Variants in INPP4A observed in about 807,000 individuals in gnomAD.
The protein encoded by INPP4A is inositol polyphosphate-4-phosphatase type I A.
Under a neutral mutation model 119.8 loss-of-function variants are expected in INPP4A, and 33 were observed. That is an observed-to-expected ratio of 0.28 (90% confidence interval 0.21 to 0.37). INPP4A has a LOEUF of 0.37. Among genes scored for constraint, INPP4A ranks in the 10% least tolerant of loss-of-function variants. The probability of loss-of-function intolerance (pLI) is 1.00; values close to 1 mark genes in which losing one functional copy is unlikely to be tolerated. For missense variants in INPP4A, 956 were observed against 1,289.9 expected (o/e 0.74, Z 3.97); for synonymous variants, 496 against 500.7 (o/e 0.99, Z 0.12).
chr2:98,497,326 C>A (rs1023436479), intron 1 of INPP4A, among the ~76,000 whole-genome samples: 1 of 152,220 alleles, frequency 6.6e-6, no homozygotes, highest in African/African-American at 2.4e-5. Context: ...TCTGCTAGGG[C>A]AGTGCAGAAG....
rs369789464 is a variant in INPP4A, at chr2:98,474,636, TG to T, written c.-166+29554del. Among the ~76,000 whole-genome samples the T allele has an allele frequency of 4.1e-4, 62 of 152,270 alleles. 2 individuals carry two copies. In the East Asian group the frequency reaches 9.3e-3, roughly 23 times the overall value. On this transcript the variant is annotated intron_variant, in intron 1 of 24. Transcript: ENST00000409851. ...GGGCCTTTGTTGTACCTTGATGCCCTGGGAGGCAGCAGACCCATCTCACCTG... is the reference window on the plus strand; with the variant it reads ...GGGCCTTTGTTGTACCTTGATGCCCTGGAGGCAGCAGACCCATCTCACCTG...
At position 98,590,603 on chromosome 2, in the gene INPP4A, C is replaced by T. The variant is rs544705855; in HGVS notation, c.*2995C>T. On this transcript the variant is annotated 3_prime_UTR_variant, in exon 25 of 25. Coordinates refer to ENST00000409851, the MANE Select transcript of INPP4A (RefSeq NM_001134225.2). ...GATCACATCATCTCTGTGGGTAACC[C>T]AGTCCTCGTTGTATGACTTGTCAAA... is the stretch of plus-strand genomic sequence containing the variant. 1.8e-4 allele frequency: 37 copies of T among 201,872 alleles called. No homozygotes were observed. The highest frequency in any genetic ancestry group is 7.8e-4 in the African/African-American group (34 of 43,632). 12.5% of individuals were successfully genotyped at this position (201,872 alleles called of 1,614,324 possible). A position where few individuals can be genotyped will look rare whatever the true frequency, so the allele number is the denominator to read the frequency against.
intron 1 of INPP4A, among the ~76,000 whole-genome samples, chr2:98,495,202 G>A (rs1681690943): frequency 6.6e-6 from 1 of 152,174 alleles, no homozygotes; most frequent in African/African-American, 2.4e-5. Flanking sequence ...AGAAAAATGG[G>A]TATGACAGAA....
chr2:98,577,217 TCCTGCCTGCAGGGCCTAC>T lies in INPP4A; in HGVS notation c.2786+80_2786+97del. The T allele has an allele frequency of 4.1e-6, 6 of 1,446,792 alleles. No homozygotes were observed. In the South Asian group the frequency reaches 8.2e-5, roughly 20 times the overall value. The allele number at this position is 1,446,792 out of a possible 1,614,324, so 89.6% of individuals were successfully genotyped here. On this transcript the variant is annotated intron_variant, in intron 24 of 24. Coordinates refer to ENST00000409851, the MANE Select transcript of INPP4A (RefSeq NM_001134225.2). ...AACTGCAGATGAGCTGGTACCCTGC[TCCTGCCTGCAGGGCCTAC>T]CCTGCATGAGCCCCTTGACTCCAGC...
chr2:98,579,198 C>T (rs1698913287), intron 24 of INPP4A, among the ~76,000 whole-genome samples: 2 of 152,008 alleles, frequency 1.3e-5, no homozygotes, highest in Non-Finnish European at 2.9e-5. Context: ...TACAGATGCC[C>T]ACCACCACAC....
In INPP4A at chr2:98,541,798, T is replaced by G. The variant is rs909806874; in HGVS notation, c.819-2079T>G. On this transcript the variant is annotated intron_variant, in intron 10 of 24. Transcript: ENST00000409851. ...CAGGGTCTTGCTGTGTTGCCTAGGCTGGTCCCTAGCTCCTGGCCTCAAGTG... is the reference window on the plus strand; with the variant it reads ...CAGGGTCTTGCTGTGTTGCCTAGGCGGGTCCCTAGCTCCTGGCCTCAAGTG... Among the ~76,000 whole-genome samples the G allele has an allele frequency of 4.6e-5, 7 of 152,236 alleles. No homozygotes were observed. The East Asian group carries it at 1.2e-3, about 25-fold the overall frequency.
chr2:98,557,965 G>T (rs1488209130), intron 16 of INPP4A, among the ~76,000 whole-genome samples: 1 of 152,032 alleles, frequency 6.6e-6, no homozygotes, highest in Non-Finnish European at 1.5e-5. Context: ...GAGATGGTTA[G>T]ACCAAGTTTT....
rs143260993 is a variant in INPP4A, at chr2:98,509,566, G to C, written c.-165-9398G>C. ...AAAGAGATTGCCAGTTTACAGAGAAGAAACAGCATGAGGTGCAGAAGCAAG... is the reference window on the plus strand; with the variant it reads ...AAAGAGATTGCCAGTTTACAGAGAACAAACAGCATGAGGTGCAGAAGCAAG... On this transcript the variant is annotated intron_variant, in intron 1 of 24. Transcript: ENST00000409851. 6.1e-3 allele frequency among the ~76,000 whole-genome samples: 924 copies of C among 152,302 alleles called. 5 individuals carry two copies. The highest frequency in any genetic ancestry group is 0.018 in the South Asian group (88 of 4,828).
intron 3 of INPP4A, 49 bp from the exon 4 acceptor site, chr2:98,520,638 G>T: frequency 1.6e-6 from 2 of 1,215,860 alleles, no homozygotes; most frequent in Non-Finnish European, 2.3e-6. Flanking sequence ...TCTGAAAACA[G>T]AGAAAAGTTT....
intron 1 of INPP4A, among the ~76,000 whole-genome samples, chr2:98,483,903 C>T (rs981134841): frequency 6.6e-6 from 1 of 152,158 alleles, no homozygotes. Context: ...GCCTGAGCCT[C>T]CACCTTTGCA....
intron 1 of INPP4A, among the ~76,000 whole-genome samples, chr2:98,446,969 A>C (rs1694299886): frequency 6.6e-6 from 1 of 152,184 alleles, no homozygotes; most frequent in Non-Finnish European, 1.5e-5. Flanking sequence ...CAGCCCTGCA[A>C]GTCCCTTTAA....
intron 1 of INPP4A, among the ~76,000 whole-genome samples, chr2:98,491,589 C>T (rs1680787751): frequency 6.6e-6 from 1 of 152,122 alleles, no homozygotes; most frequent in Non-Finnish European, 1.5e-5. Flanking sequence ...AAGCCAGGTG[C>T]GTTTAATAAG....
At chr2:98,518,481 G>T (rs1259523554) in intron 1 of INPP4A, among the ~76,000 whole-genome samples, 1 of 152,260 alleles carries the variant, frequency 6.6e-6, no homozygotes, top group Non-Finnish European at 1.5e-5. Context: ...GGGACTGAGT[G>T]GGGCCTGGGG....
At chr2:98,573,974 G>A (rs1260893048) in intron 23 of INPP4A, among the ~76,000 whole-genome samples, 1 of 152,168 alleles carries the variant, frequency 6.6e-6, no homozygotes, top group East Asian at 1.9e-4. Context: ...GGGAAGCGTG[G>A]GGTGGATCAA....
chr2:98,539,403 C>A, intron 9 of INPP4A, 125 bp from the exon 10 acceptor site: 2 of 1,067,236 alleles, frequency 1.9e-6, no homozygotes, highest in Non-Finnish European at 2.7e-6. Flanking sequence ...CGTTTTAATT[C>A]CCATGAGATG....
intron 1 of INPP4A, among the ~76,000 whole-genome samples, chr2:98,518,526 AGTTTGCAGAGCCCTCTCCT>A (rs1465323760): frequency 1.3e-5 from 2 of 152,148 alleles, no homozygotes; most frequent in African/African-American, 4.8e-5. Flanking sequence ...AACTCAGTGG[AGTTTGCAGAGCCCTCTCCT>A]GTTCACGCAC....
At chr2:98,528,583 CAA>C (rs747747182) in intron 4 of INPP4A, among the ~76,000 whole-genome samples, 6 of 151,554 alleles carry the variant, frequency 4.0e-5, no homozygotes, top group Non-Finnish European at 7.4e-5. Flanking sequence ...AGGATAAACT[CAA>C]AGAGATCCAC....
At chr2:98,488,831 G>C (rs1051461136) in intron 1 of INPP4A, among the ~76,000 whole-genome samples, 9 of 152,136 alleles carry the variant, frequency 5.9e-5, no homozygotes, top group Admixed American at 1.3e-4. Flanking sequence ...CGGGCTGGAG[G>C]GGGTGGAGTA....
Position 98,594,305 on chromosome 2 carries a change from A to G in INPP4A, c.*6697A>G, listed in dbSNP as rs1700513947. On this transcript the variant is annotated 3_prime_UTR_variant, in exon 25 of 25. Transcript: ENST00000409851. ...TGATCTGGATGGCCAGTTACATGAC[A>G]GATTACTTTGTTCTTAACATACGAA... 6.6e-6 allele frequency: 1 copy of G among 152,238 alleles called. No homozygotes were observed. The highest frequency in any genetic ancestry group is 1.5e-5 in the Non-Finnish European group (1 of 68,048). 9.4% of individuals were successfully genotyped at this position (152,238 alleles called of 1,614,324 possible).
Sources: allele counts gnomAD v4.1 joint callset (sites outside exome capture counted in the v4.1 genomes callset), GRCh38; gene constraint gnomAD v4.1.1; transcripts MANE v1.5; gene names NCBI Gene and HGNC (gene_info 2026-07-23, HGNC 2026-07-21).